The following SAXO4 variants were observed in gnomAD, a reference collection of about 807,000 sequenced individuals.
The protein encoded by SAXO4 is protein phosphatase 1 regulatory subunit 32.
chr11:61,482,354 C>T, the SAXO4 span: 28 of 1,614,172 alleles, frequency 1.7e-5, no homozygotes, highest in African/African-American at 5.3e-5. Context: ...ACGTAGGCAC[C>T]GGCTACAAAT....
At chr11:61,489,678 AG>A in the SAXO4 span, 1 of 1,199,850 alleles carries the variant, frequency 8.3e-7, no homozygotes, top group East Asian at 2.3e-5. Flanking sequence ...GCATGAGCAA[AG>A]GTGGGGAGGC....
the SAXO4 span, chr11:61,490,691 C>T: frequency 5.0e-6 from 5 of 1,008,992 alleles, no homozygotes; most frequent in Non-Finnish European, 7.6e-6. Context: ...TGCCTGGGGA[C>T]CCCCCTTCCA....
the SAXO4 span, among the ~76,000 whole-genome samples, chr11:61,483,958 A>T: frequency 6.6e-6 from 1 of 151,436 alleles, no homozygotes; most frequent in Admixed American, 6.6e-5. Context: ...AAATAAAGCC[A>T]GGCGTGGTGG....
At chr11:61,481,939 G>C in the SAXO4 span, 1 of 1,508,340 alleles carries the variant, frequency 6.6e-7, no homozygotes. Flanking sequence ...CTTTGCGCAG[G>C]AGCCTCTGCT....
chr11:61,486,594 G>A, the SAXO4 span: 9 of 1,614,150 alleles, frequency 5.6e-6, no homozygotes, highest in South Asian at 1.1e-5. Flanking sequence ...GGGAATGAAA[G>A]GATTCTGAAC....
the SAXO4 span, chr11:61,486,542 G>A: frequency 6.2e-7 from 1 of 1,614,204 alleles, no homozygotes; most frequent in Non-Finnish European, 8.5e-7. Context: ...GTTCCTACCT[G>A]TGTTGGCCAG....
chr11:61,485,543 C>A, the SAXO4 span: 2 of 819,810 alleles, frequency 2.4e-6, no homozygotes, highest in Admixed American at 2.6e-5. Flanking sequence ...TGGAGGGAAG[C>A]GCCTCTCCCG....
the SAXO4 span, chr11:61,489,639 G>A: frequency 1.0e-5 from 8 of 800,838 alleles, no homozygotes; most frequent in East Asian, 2.5e-5. Flanking sequence ...CCCAGTGGAC[G>A]TGGGCTTAGG....
At chr11:61,490,566 G>C in the SAXO4 span, 7 of 1,613,974 alleles carry the variant, frequency 4.3e-6, no homozygotes, top group Non-Finnish European at 5.9e-6. Flanking sequence ...GTGGCACACA[G>C]CTGAGCCCTG....
chr11:61,485,498 G>A, the SAXO4 span: 1 of 1,096,638 alleles, frequency 9.1e-7, no homozygotes, highest in African/African-American at 1.6e-5. Flanking sequence ...GGACTGAGAA[G>A]GCACCAGTGG....
chr11:61,481,867 G>A, the SAXO4 span: 1 of 1,568,250 alleles, frequency 6.4e-7, no homozygotes, highest in Non-Finnish European at 8.6e-7. Flanking sequence ...GAGTTCGGGG[G>A]GCTACACGGA....
At chr11:61,487,055 GA>G in the SAXO4 span, 6 of 1,613,844 alleles carry the variant, frequency 3.7e-6, no homozygotes, top group Non-Finnish European at 5.1e-6. Context: ...AGACTGTGGG[GA>G]AAAAGGTGAG....
chr11:61,482,314 G>A, the SAXO4 span: 12 of 1,613,910 alleles, frequency 7.4e-6, no homozygotes, highest in East Asian at 4.5e-5. Flanking sequence ...CTGGCAGGTC[G>A]GGAGGATTTC....
chr11:61,485,012 C>A, the SAXO4 span, among the ~76,000 whole-genome samples: 1 of 152,206 alleles, frequency 6.6e-6, no homozygotes, highest in African/African-American at 2.4e-5. Flanking sequence ...TGGCTTCTCG[C>A]GATTTAACGC....
chr11:61,484,691 C>G, the SAXO4 span: 1 of 1,613,524 alleles, frequency 6.2e-7, no homozygotes, highest in Non-Finnish European at 8.5e-7. Context: ...CTCCCAGGTC[C>G]GGAAGGTCCA....
At chr11:61,485,888 T>C in the SAXO4 span, 1 of 1,613,806 alleles carries the variant, frequency 6.2e-7, no homozygotes, top group South Asian at 1.1e-5. Flanking sequence ...CCAACCGCCC[T>C]CACAGGCCCT....
chr11:61,481,840 TC>T, the SAXO4 span: 1 of 1,529,448 alleles, frequency 6.5e-7, no homozygotes, highest in Non-Finnish European at 8.7e-7. Context: ...GGGGGTCGTC[TC>T]CCCTTATGTG....
At chr11:61,482,208 C>A in the SAXO4 span, 1 of 1,037,530 alleles carries the variant, frequency 9.6e-7, no homozygotes, top group Non-Finnish European at 1.5e-6. Context: ...GAGCCCTCCC[C>A]TGTCACTGTG....
chr11:61,487,026 G>A, the SAXO4 span: 15 of 1,614,076 alleles, frequency 9.3e-6, no homozygotes, highest in Middle Eastern at 9.9e-4. Flanking sequence ...ACAGACAAAC[G>A]TTGCCCTGCT....
Sources: gnomAD v4.1 joint callset for allele counts (sites outside exome capture counted in the v4.1 genomes callset) on GRCh38, gnomAD v4.1.1 for gene constraint, MANE v1.5 for transcripts, NCBI Gene and HGNC (gene_info 2026-07-23, HGNC 2026-07-21) for gene names.